Variants in NLN observed in about 807,000 individuals in gnomAD.
NLN encodes the protein neurolysin.
Under a neutral mutation model 79.9 loss-of-function variants are expected in NLN, and 64 were observed. The observed-to-expected ratio is 0.80, with a 90% CI of 0.65 to 0.99. The LOEUF (loss-of-function observed/expected upper bound fraction) is 0.99. Ranked by LOEUF, NLN falls within the 50% of genes least tolerant of loss-of-function variation. NLN has a pLI of 0.00. For synonymous variants in NLN, 267 were observed against 296.6 expected (o/e 0.90, Z 1.02); for missense variants, 835 against 858.7 (o/e 0.97, Z 0.34).
chr5:65,741,784 A>G (rs770829578), intron 1 of NLN, among the ~76,000 whole-genome samples: 1 of 152,232 alleles, frequency 6.6e-6, no homozygotes, highest in Non-Finnish European at 1.5e-5. Context: ...ACTTGATTTT[A>G]TATGCTCTGT....
rs950788305 is a variant in NLN, at chr5:65,828,057, T to C, written c.*5142T>C. The C allele has an allele frequency of 1.3e-5, 2 of 152,188 alleles. No homozygotes were observed. Among genetic ancestry groups the C allele is most frequent in the African/African-American group, 2.4e-5 (1 of 41,438 alleles). 9.4% of individuals were successfully genotyped at this position (152,188 alleles called of 1,614,324 possible). ...AATAATGTTTAAAAATATTTCAATG[T>C]GGAGACAAGCTCAAAATGAAATTAG... is the stretch of plus-strand genomic sequence containing the variant. On this transcript the variant is annotated 3_prime_UTR_variant, in exon 13 of 13. Coordinates refer to ENST00000380985, the MANE Select transcript of NLN (RefSeq NM_020726.5).
At chr5:65,738,403 G>C (rs1758781726) in intron 1 of NLN, among the ~76,000 whole-genome samples, 1 of 151,794 alleles carries the variant, frequency 6.6e-6, no homozygotes, top group South Asian at 2.1e-4. Context: ...GAGTAATATA[G>C]TGAGACCTCG....
Position 65,790,196 on chromosome 5 carries a change from G to A in NLN, c.1325+1712G>A, listed in dbSNP as rs1000601910. Among the ~76,000 whole-genome samples the A allele has an allele frequency of 2.6e-5, 4 of 152,136 alleles. No individual in the cohort carries two copies. In the East Asian group the frequency reaches 5.8e-4, roughly 22 times the overall value. ...AATCATTTAAATAGATCAAAGGAGA[G>A]TATAGTATCCCCCTCATTCAGTAAT... is the stretch of plus-strand genomic sequence containing the variant. On this transcript the variant is annotated intron_variant, in intron 8 of 12. Coordinates refer to ENST00000380985, the MANE Select transcript of NLN (RefSeq NM_020726.5).
At chr5:65,796,800 CT>C (rs747572658) in intron 9 of NLN, among the ~76,000 whole-genome samples, 1 of 152,210 alleles carries the variant, frequency 6.6e-6, no homozygotes, top group Non-Finnish European at 1.5e-5. Flanking sequence ...TTCACTAATA[CT>C]TCCAGCTTAC....
At chr5:65,730,318 G>C (rs1319428415) in intron 1 of NLN, among the ~76,000 whole-genome samples, 1 of 152,216 alleles carries the variant, frequency 6.6e-6, no homozygotes, top group East Asian at 1.9e-4. Context: ...ATTAATACTT[G>C]AGTAATGATC....
intron 8 of NLN, among the ~76,000 whole-genome samples, chr5:65,790,800 T>G (rs7711077): frequency 0.14 from 21,262 of 152,236 alleles, 1,679 homozygotes; most frequent in African/African-American, 0.21. Context: ...GGATATAGTT[T>G]TAACCGAAGA....
intron 4 of NLN, among the ~76,000 whole-genome samples, chr5:65,779,498 A>G (rs1437045369): frequency 6.6e-6 from 1 of 152,142 alleles, no homozygotes; most frequent in Admixed American, 6.6e-5. Context: ...CTTTTCCCCG[A>G]AGCAACAATA....
intron 7 of NLN, among the ~76,000 whole-genome samples, 165 bp from the exon 8 acceptor site, chr5:65,787,953 T>C (rs1233960670): frequency 6.6e-6 from 1 of 152,222 alleles, no homozygotes; most frequent in Non-Finnish European, 1.5e-5. Flanking sequence ...TAATACAGCC[T>C]GCTTTCCTCC....
intron 1 of NLN, among the ~76,000 whole-genome samples, chr5:65,726,149 A>G (rs1463461149): frequency 1.3e-5 from 2 of 151,982 alleles, no homozygotes; most frequent in African/African-American, 4.8e-5. Flanking sequence ...CATGAAAAAA[A>G]TCTATTTCAG....
intron 1 of NLN, among the ~76,000 whole-genome samples, chr5:65,731,426 G>T (rs1758604737): frequency 6.6e-6 from 1 of 152,158 alleles, no homozygotes; most frequent in African/African-American, 2.4e-5. Context: ...TACCACATCG[G>T]CACATAATAA....
At chr5:65,744,727 T>C (rs528658869) in intron 1 of NLN, among the ~76,000 whole-genome samples, 72 of 152,258 alleles carry the variant, frequency 4.7e-4, no homozygotes, top group Non-Finnish European at 8.2e-4. Context: ...GGTGAAACCT[T>C]GTCTCGACTA....
chr5:65,756,363 C>T (rs1477225184), intron 1 of NLN, among the ~76,000 whole-genome samples: 5 of 152,166 alleles, frequency 3.3e-5, no homozygotes, highest in Non-Finnish European at 5.9e-5. Context: ...TTGACTCTCT[C>T]ACCTCCACCG....
At chr5:65,818,615 T>C (rs1760725445) in intron 12 of NLN, 1 of 152,242 alleles carries the variant, frequency 6.6e-6, no homozygotes, top group East Asian at 1.9e-4. Context: ...TTAATTTTTG[T>C]CCATTCAAGA....
chr5:65,747,313 G>A (rs1024074337), intron 1 of NLN, among the ~76,000 whole-genome samples: 1 of 152,200 alleles, frequency 6.6e-6, no homozygotes, highest in African/African-American at 2.4e-5. Flanking sequence ...GGAGGCAGAT[G>A]TTTGTGGGTG....
In NLN at chr5:65,810,166, GTATGTAACTAC is replaced by G; in HGVS notation, c.1843+6_1843+16del. The G allele has an allele frequency of 6.2e-7, 1 of 1,613,378 alleles. No individual in the cohort carries two copies. Among genetic ancestry groups the G allele is most frequent in the Non-Finnish European group, 8.5e-7 (1 of 1,179,420 alleles). Reference sequence around the variant, plus strand: ...ATATTAGGAGTTGCAGCTACTCCAGGTATGTAACTACTATGAATTGAGTTCATTTCTCTGTG... The same window carrying G: ...ATATTAGGAGTTGCAGCTACTCCAGGTATGAATTGAGTTCATTTCTCTGTG... On this transcript the variant is annotated splice_donor_variant and splice_donor_5th_base_variant and intron_variant, in intron 11 of 12. Coordinates refer to ENST00000380985, the MANE Select transcript of NLN (RefSeq NM_020726.5). LOFTEE classifies it high-confidence loss of function.
chr5:65,757,018 T>G (rs1759234190), intron 1 of NLN, among the ~76,000 whole-genome samples: 1 of 152,230 alleles, frequency 6.6e-6, no homozygotes, highest in Admixed American at 6.5e-5. Flanking sequence ...GAGTTCTCTT[T>G]GCTTACACTT....
intron 1 of NLN, among the ~76,000 whole-genome samples, chr5:65,752,429 C>T (rs895040202): frequency 2.0e-5 from 3 of 152,162 alleles, no homozygotes; most frequent in African/African-American, 4.8e-5. Context: ...AATTATTAGA[C>T]GTAATAACTG....
rs758147999 is a variant in NLN, at chr5:65,792,575, C to A, written c.1447C>A (p.Arg483Ser). Reference protein sequence around the residue: ...VVNFSQPVAGRPSLLRHDEVR... With the variant: ...VVNFSQPVAGSPSLLRHDEVR... ...GAACTTCTCACAGCCAGTGGCAGGT[C>A]GTCCCTCTCTCCTGAGACACGACGA... The change falls in exon 9 of 13, where the codon CGT becomes AGT. Residue 483 changes from arginine (R) to serine (S), a missense_variant. Coordinates refer to ENST00000380985, the MANE Select transcript of NLN (RefSeq NM_020726.5). 2 of 1,613,752 alleles carry A rather than the reference C, an allele frequency of 1.2e-6. No homozygotes were observed. Among genetic ancestry groups the A allele is most frequent in the Non-Finnish European group, 8.5e-7 (1 of 1,179,824 alleles).
chr5:65,729,091 G>A (rs1312103466), intron 1 of NLN, among the ~76,000 whole-genome samples: 1 of 152,126 alleles, frequency 6.6e-6, no homozygotes, highest in Non-Finnish European at 1.5e-5. Context: ...TGATCTGCCC[G>A]CCTCAACCTT....
Sources: gnomAD v4.1 joint callset for allele counts (sites outside exome capture counted in the v4.1 genomes callset) on GRCh38, gnomAD v4.1.1 for gene constraint, MANE v1.5 for transcripts, NCBI Gene and HGNC (gene_info 2026-07-23, HGNC 2026-07-21) for gene names.